SGF29: variants seen among roughly 807,000 people sequenced by gnomAD.
SGF29 encodes the protein SAGA complex associated factor 29.
A neutral mutation model predicts 38.1 loss-of-function variants in SGF29; 15 were observed. The ratio of observed to expected loss-of-function variants is 0.39; its 90% CI spans 0.26 to 0.61. The LOEUF is 0.61. Among genes scored for constraint, SGF29 ranks in the 20% least tolerant of loss-of-function variants. The pLI, the probability that SGF29 is intolerant of heterozygous loss-of-function variation, is 0.49. For synonymous variants in SGF29, 151 were observed against 160.8 expected, an observed-to-expected ratio of 0.94 and a Z score of 0.46; for missense variants, 184 against 394.6, an observed-to-expected ratio of 0.47 and a Z score of 4.52.
chr16:28,585,761 C>T (rs757720471), intron 4 of SGF29, 41 bp downstream of exon 4: 24 of 1,580,814 alleles, frequency 1.5e-5, no homozygotes, highest in Non-Finnish European at 1.9e-5. Context: ...TCCCTCCTTT[C>T]CTGGGGGCTG....
At chr16:28,562,865 C>T (rs1308520290) in intron 1 of SGF29, among the ~76,000 whole-genome samples, 3 of 137,520 alleles carry the variant, frequency 2.2e-5, no homozygotes, top group Non-Finnish European at 3.0e-5. Flanking sequence ...GATTGGGCCA[C>T]TGCACTCCAG....
At chr16:28,579,868 T>C (rs2046915576) in intron 1 of SGF29, among the ~76,000 whole-genome samples, 1 of 151,894 alleles carries the variant, frequency 6.6e-6, no homozygotes, top group Non-Finnish European at 1.5e-5. Flanking sequence ...GAGGCAGAGA[T>C]TGCAGTGAGC....
At chr16:28,576,744 A>AC (rs1178572594) in intron 1 of SGF29, among the ~76,000 whole-genome samples, 1 of 152,184 alleles carries the variant, frequency 6.6e-6, no homozygotes, top group Non-Finnish European at 1.5e-5. Context: ...AAACCTGTAC[A>AC]CAACGCTCAT....
intron 4 of SGF29, 36 bp from the exon 5 acceptor site, chr16:28,589,064 A>T: frequency 3.7e-6 from 6 of 1,612,476 alleles, no homozygotes; most frequent in Non-Finnish European, 5.1e-6. Flanking sequence ...TATGTACGTT[A>T]ACCAAACCCT....
At chr16:28,571,610 G>T (rs927437502) in intron 1 of SGF29, among the ~76,000 whole-genome samples, 1 of 113,430 alleles carries the variant, frequency 8.8e-6, no homozygotes. Flanking sequence ...AAAAAAAAAA[G>T]ATTCTGAATC....
At chr16:28,586,619 T>C (rs993705373) in intron 4 of SGF29, among the ~76,000 whole-genome samples, 1 of 152,140 alleles carries the variant, frequency 6.6e-6, no homozygotes, top group South Asian at 2.1e-4. Flanking sequence ...GAGAACACAC[T>C]GGTTCTGAAG....
At position 28,564,737 on chromosome 16, in the gene SGF29, GTATATATGTATATATATGTATATATGTA is replaced by G. The variant is rs1282060482; in HGVS notation, c.-16+10658_-16+10685del. On this transcript the variant is annotated intron_variant, in intron 1 of 9. Transcript: ENST00000317058. ...TATATGTATATATATACATATATAT[GTATATATGTATATATATGTATATATGTA>G]TATATATGTATATATATATATACAC... 2.9e-3 allele frequency among the ~76,000 whole-genome samples: 33 copies of G among 11,350 alleles called. 1 individual carries two copies. The South Asian group carries it at 0.082, about 28-fold the overall frequency. 7.4% of individuals were successfully genotyped at this position (11,350 alleles called of 152,430 possible). A position where few individuals can be genotyped will look rare whatever the true frequency, so the allele number is the denominator to read the frequency against.
At chr16:28,573,281 G>A (rs747926892) in intron 1 of SGF29, among the ~76,000 whole-genome samples, 5 of 152,128 alleles carry the variant, frequency 3.3e-5, no homozygotes, top group African/African-American at 1.2e-4. Flanking sequence ...GTGGGTGGCC[G>A]GCGAACTGCC....
At chr16:28,585,237 G>A in intron 3 of SGF29, 1 of 526,814 alleles carries the variant, frequency 1.9e-6, no homozygotes, top group South Asian at 2.7e-5. Flanking sequence ...GAGCACACAA[G>A]CGCCCCAGTT....
intron 1 of SGF29, among the ~76,000 whole-genome samples, chr16:28,561,699 T>C (rs892542026): frequency 5.3e-5 from 8 of 152,194 alleles, no homozygotes; most frequent in Admixed American, 2.6e-4. Flanking sequence ...CTGGAATTGC[T>C]GAGCCTCTCA....
intron 4 of SGF29, 80 bp downstream of exon 4, chr16:28,585,800 C>G: frequency 7.5e-7 from 1 of 1,333,702 alleles, no homozygotes; most frequent in Non-Finnish European, 1.1e-6. Context: ...ACCAAGTCCC[C>G]AGCCTGCCTT....
At chr16:28,573,211 G>T (rs916118791) in intron 1 of SGF29, among the ~76,000 whole-genome samples, 1 of 152,104 alleles carries the variant, frequency 6.6e-6, no homozygotes, top group Non-Finnish European at 1.5e-5. Context: ...GGGAAGTGGG[G>T]GTGAGGACCT....
Position 28,565,114 on chromosome 16 carries a change from C to G in SGF29, c.-16+11017C>G, listed in dbSNP as rs188736186. Among the ~76,000 whole-genome samples, 17 of 152,188 alleles carry G rather than the reference C, an allele frequency of 1.1e-4. No individual in the cohort carries two copies. In the East Asian group the frequency reaches 1.7e-3, roughly 16 times the overall value. ...GGCGTGACACAGAACAGAGCCAGCA[C>G]GCGGACTCAGCAAGCTGCTGGTCCC... On this transcript the variant is annotated intron_variant, in intron 1 of 9. Coordinates refer to ENST00000317058, the MANE Select transcript of SGF29 (RefSeq NM_138414.3).
chr16:28,575,826 TC>T (rs2046889078), intron 1 of SGF29, among the ~76,000 whole-genome samples: 1 of 152,144 alleles, frequency 6.6e-6, no homozygotes, highest in African/African-American at 2.4e-5. Context: ...AGACTCTACT[TC>T]AGACTCACTA....
At chr16:28,576,838 G>T (rs1199720140) in intron 1 of SGF29, among the ~76,000 whole-genome samples, 1 of 151,792 alleles carries the variant, frequency 6.6e-6, no homozygotes, top group Non-Finnish European at 1.5e-5. Flanking sequence ...ATATGATATA[G>T]CAAAACAATG....
At chr16:28,564,745 GTATATATA>G (rs1171046809) in intron 1 of SGF29, among the ~76,000 whole-genome samples, 1 of 23,472 alleles carries the variant, frequency 4.3e-5, no homozygotes, top group Non-Finnish European at 8.4e-5. Context: ...ATGTATATAT[GTATATATA>G]TGTATATATG....
rs750628692 is a variant in SGF29 at position 28,590,923 on chromosome 16, G to C, written c.753G>C (p.Ala251=). The C allele has an allele frequency of 1.2e-6, 2 of 1,609,760 alleles. No individual in the cohort carries two copies. The highest frequency in any genetic ancestry group is 1.7e-5 in the Admixed American group (1 of 59,616). ...GCTTCTACCGCGCCCTGATCCATGC[G>C]CCCCCACAGCGGGTAAAGCAGCCTC... ...TTCFYRALIH[A]PPQRPQDDYS... Residue 251 remains alanine, a synonymous_variant, in exon 9 of 10, where the codon GCG becomes GCC. Transcript: ENST00000317058. The surrounding 1 kb of genome is among the most constrained non-coding windows in gnomAD (Gnocchi z 8.2).
chr16:28,571,256 G>A (rs570776481), intron 1 of SGF29, among the ~76,000 whole-genome samples: 2 of 152,182 alleles, frequency 1.3e-5, no homozygotes, highest in East Asian at 1.9e-4. Context: ...ATCTACTGGG[G>A]CCTGGATCTT....
At position 28,590,752 on chromosome 16, in the gene SGF29, T is replaced by G. The variant is rs1033057934; in HGVS notation, c.603-21T>G. On this transcript the variant is annotated intron_variant, in intron 8 of 9. Coordinates refer to ENST00000317058, the MANE Select transcript of SGF29 (RefSeq NM_138414.3). The surrounding 1 kb of genome is among the most constrained non-coding windows in gnomAD (Gnocchi z 8.2). ...GCATCCCCACCCGGCCACAGGTTGA[T>G]ATAAGCCCCTCTTCCCCCAGGAGAC... 2.5e-6 allele frequency: 4 copies of G among 1,613,950 alleles called. No homozygotes were observed. The Admixed American group carries it at 6.7e-5, about 27-fold the overall frequency.
Sources: gnomAD v4.1 joint callset for allele counts (sites outside exome capture counted in the v4.1 genomes callset) on GRCh38, gnomAD v4.1.1 for gene constraint, Gnocchi (gnomAD v3.1) non-coding constraint, MANE v1.5 for transcripts, NCBI Gene and HGNC (gene_info 2026-07-23, HGNC 2026-07-21) for gene names.